OPCML: variants seen among roughly 807,000 people sequenced by gnomAD.
OPCML encodes opioid binding protein/cell adhesion molecule like, also known as opioid-binding protein/cell adhesion molecule.
In OPCML, 13 loss-of-function variants were observed where a neutral mutation model predicts 37.8. That is an observed-to-expected ratio of 0.34 (90% CI 0.22 to 0.55). The LOEUF is 0.55. Ranked by LOEUF, OPCML falls within the 20% of genes least tolerant of loss-of-function variation. The pLI is 0.91. For synonymous variants in OPCML, 176 were observed against 168.8 expected (o/e 1.04, Z -0.33); for missense variants, 341 against 435.6 (o/e 0.78, Z 1.93).
chr11:132,680,760 G>A (rs1381167539), intron 2 of OPCML, among the ~76,000 whole-genome samples: 1 of 152,178 alleles, frequency 6.6e-6, no homozygotes, highest in African/African-American at 2.4e-5. Context: ...CTCTCTGGGG[G>A]CCTATTAGCC....
chr11:133,487,311 G>A (rs1200788664), intron 1 of OPCML, among the ~76,000 whole-genome samples: 1 of 152,046 alleles, frequency 6.6e-6, no homozygotes, highest in East Asian at 1.9e-4. Flanking sequence ...GCTCCCCACT[G>A]GTCTTTTGTG....
intron 3 of OPCML, among the ~76,000 whole-genome samples, chr11:132,636,101 A>G (rs1940479973): frequency 6.6e-6 from 1 of 152,142 alleles, no homozygotes; most frequent in Non-Finnish European, 1.5e-5. Context: ...GCACCCAGTT[A>G]CCTGCTTGCT....
At chr11:132,547,217 T>C (rs1257539506) in intron 3 of OPCML, among the ~76,000 whole-genome samples, 2 of 152,178 alleles carry the variant, frequency 1.3e-5, no homozygotes, top group Non-Finnish European at 2.9e-5. Context: ...TGAAAAGTGC[T>C]GGGAAATTCT....
At chr11:132,527,490 T>C (rs2096311593) in intron 4 of OPCML, among the ~76,000 whole-genome samples, 1 of 152,196 alleles carries the variant, frequency 6.6e-6, no homozygotes, top group African/African-American at 2.4e-5. Flanking sequence ...ATGTTAGTCA[T>C]ATTTTTGTGT....
chr11:132,998,313 G>A (rs1946924359), intron 1 of OPCML, among the ~76,000 whole-genome samples: 1 of 152,168 alleles, frequency 6.6e-6, no homozygotes, highest in South Asian at 2.1e-4. Context: ...TGGCTTACAT[G>A]TGTAAGTCTA....
At chr11:132,955,452 C>T (rs1945956715) in intron 1 of OPCML, among the ~76,000 whole-genome samples, 1 of 152,114 alleles carries the variant, frequency 6.6e-6, no homozygotes, top group Non-Finnish European at 1.5e-5. Flanking sequence ...ACCAGCAGCC[C>T]AGACACTAGA....
At chr11:133,360,714 T>C (rs1470354074) in intron 1 of OPCML, 3 of 152,262 alleles carry the variant, frequency 2.0e-5, no homozygotes, top group African/African-American at 7.2e-5. Context: ...TTTCTCGTTA[T>C]TCATTGCGTT....
At chr11:132,963,244 T>G (rs566718631) in intron 1 of OPCML, among the ~76,000 whole-genome samples, 2 of 152,164 alleles carry the variant, frequency 1.3e-5, no homozygotes, top group African/African-American at 4.8e-5. Flanking sequence ...CCTCAGGTTC[T>G]GCTTGAAGAT....
intron 1 of OPCML, among the ~76,000 whole-genome samples, chr11:133,088,659 A>C (rs2137047825): frequency 6.6e-6 from 1 of 152,350 alleles, no homozygotes; most frequent in Non-Finnish European, 1.5e-5. Context: ...ATTATATAAC[A>C]TGGATAAATA....
intron 3 of OPCML, among the ~76,000 whole-genome samples, chr11:132,579,861 T>A (rs1224251744): frequency 6.6e-6 from 1 of 152,172 alleles, no homozygotes; most frequent in Non-Finnish European, 1.5e-5. Flanking sequence ...ATTGTCTTAG[T>A]CCTTAAGGGG....
intron 2 of OPCML, among the ~76,000 whole-genome samples, chr11:132,688,779 TAA>T (rs531036340): frequency 2.8e-5 from 1 of 35,228 alleles, no homozygotes; most frequent in Non-Finnish European, 5.8e-5. Context: ...CCGTCTCTAC[TAA>T]AAAAAAAAAA....
intron 1 of OPCML, among the ~76,000 whole-genome samples, chr11:133,149,854 G>T (rs1313701357): frequency 6.6e-6 from 1 of 152,216 alleles, no homozygotes. Flanking sequence ...CGTCTGGGGA[G>T]ATAAAAGTAG....
intron 1 of OPCML, among the ~76,000 whole-genome samples, chr11:133,016,519 G>T (rs1172320859): frequency 2.0e-5 from 3 of 152,114 alleles, no homozygotes; most frequent in Non-Finnish European, 4.4e-5. Flanking sequence ...TGCTTTTAAG[G>T]GTTCCTATGA....
intron 1 of OPCML, among the ~76,000 whole-genome samples, chr11:133,109,429 A>T (rs1209033985): frequency 6.6e-6 from 1 of 151,840 alleles, no homozygotes; most frequent in Non-Finnish European, 1.5e-5. Context: ...CCCTTTTTTC[A>T]ATCCTCCCTG....
In OPCML at chr11:133,351,820, C is replaced by A. The variant is rs1276364647; in HGVS notation, c.61+180444G>T. Among the ~76,000 whole-genome samples, 5 of 152,162 alleles carry A rather than the reference C, an allele frequency of 3.3e-5. No individual in the cohort carries two copies. The South Asian group carries it at 8.3e-4, about 25-fold the overall frequency. On this transcript the variant is annotated intron_variant, in intron 1 of 7. Coordinates refer to ENST00000524381, the MANE Select transcript of OPCML (RefSeq NM_001012393.5). ...GGAATTTCATGCCATGCCATACCCC[C>A]CACACAAACAACTTTCAACCTTGAG...
chr11:132,769,483 C>T (rs77816965), intron 2 of OPCML, among the ~76,000 whole-genome samples: 2,786 of 152,284 alleles, frequency 0.018, 31 homozygotes, highest in Middle Eastern at 0.034. Context: ...AAGTACCTTC[C>T]TCAACACCAG....
At chr11:133,126,317 G>T (rs540840375) in intron 1 of OPCML, among the ~76,000 whole-genome samples, 3 of 152,006 alleles carry the variant, frequency 2.0e-5, no homozygotes, top group Non-Finnish European at 4.4e-5. Context: ...TTCCACTCAG[G>T]CCCTCGATGG....
chr11:133,362,020 T>C (rs1765568833), intron 1 of OPCML: 1 of 152,448 alleles, frequency 6.6e-6, no homozygotes, highest in Admixed American at 6.5e-5. Flanking sequence ...ATGGTGTCCT[T>C]CCTCCTGTGC....
intron 3 of OPCML, among the ~76,000 whole-genome samples, chr11:132,648,154 G>A (rs1328231824): frequency 2.0e-5 from 3 of 152,154 alleles, no homozygotes; most frequent in Admixed American, 6.5e-5. Flanking sequence ...CTAATCTTGC[G>A]GGTGGTGAGG....
Sources: gnomAD v4.1 joint callset for allele counts (sites outside exome capture counted in the v4.1 genomes callset) on GRCh38, gnomAD v4.1.1 for gene constraint, MANE v1.5 for transcripts, NCBI Gene and HGNC (gene_info 2026-07-23, HGNC 2026-07-21) for gene names.